PRKCQ: variants seen among roughly 807,000 people sequenced by gnomAD.
PRKCQ encodes the protein protein kinase C theta.
PRKCQ carries 41 observed loss-of-function variants against 91.2 expected under a neutral mutation model. That is an observed-to-expected ratio of 0.45 (90% CI 0.35 to 0.58). The LOEUF is 0.58. Among genes scored for constraint, PRKCQ ranks in the 20% least tolerant of loss-of-function variants. The pLI is 0.00. For missense variants in PRKCQ, 673 were observed against 896.5 expected, an observed-to-expected ratio of 0.75 and a Z score of 3.18; for synonymous variants, 307 against 316.9, an observed-to-expected ratio of 0.97 and a Z score of 0.33.
At chr10:6,504,104 CA>C (rs1255987874) in intron 4 of PRKCQ, among the ~76,000 whole-genome samples, 1 of 152,202 alleles carries the variant, frequency 6.6e-6, no homozygotes, top group African/African-American at 2.4e-5. Context: ...TAAAGCATTT[CA>C]ACTATGTACA....
In PRKCQ at chr10:6,479,015, T is replaced by C; in HGVS notation, c.1330A>G (p.Met444Val). Reference sequence around the variant, plus strand: ...ACCTTGGTCTGGAATGTACAAAACATGTGCGTCAGAAACGGATGCTCCCAG... The same window carrying C: ...ACCTTGGTCTGGAATGTACAAAACACGTGCGTCAGAAACGGATGCTCCCAG... ...LAWEHPFLTH[M>V]FCTFQTKENL... The change falls in exon 12 of 18, where the codon ATG (methionine) becomes GTG (valine). Residue 444 changes from methionine (M) to valine (V), a missense_variant. Transcript: ENST00000263125. 1.9e-6 allele frequency: 3 copies of C among 1,614,190 alleles called. No homozygotes were observed. The highest frequency in any genetic ancestry group is 2.5e-6 in the Non-Finnish European group (3 of 1,180,036).
Position 6,428,137 on chromosome 10 carries a change from C to G in PRKCQ, c.*70G>C, listed in dbSNP as rs144745761. On this transcript the variant is annotated 3_prime_UTR_variant, in exon 18 of 18. Transcript: ENST00000263125. Reference sequence around the variant, plus strand: ...TCTTTTTCCAAGTTGAAAAAGGAACCCAAGCAGTGTCTCTTGAACCAGTTC... The same window carrying G: ...TCTTTTTCCAAGTTGAAAAAGGAACGCAAGCAGTGTCTCTTGAACCAGTTC... The G allele has an allele frequency of 6.3e-7, 1 of 1,581,940 alleles. No individual in the cohort carries two copies. Among genetic ancestry groups the G allele is most frequent in the Non-Finnish European group, 8.6e-7 (1 of 1,156,472 alleles).
At chr10:6,524,195 C>T (rs984025822) in intron 1 of PRKCQ, among the ~76,000 whole-genome samples, 3 of 152,144 alleles carry the variant, frequency 2.0e-5, no homozygotes, top group African/African-American at 7.2e-5. Flanking sequence ...AGTTACTCAC[C>T]TAATAATATT....
chr10:6,433,744 A>G (rs539455823), intron 16 of PRKCQ, among the ~76,000 whole-genome samples: 1 of 152,258 alleles, frequency 6.6e-6, no homozygotes, highest in South Asian at 2.1e-4. Context: ...TTAGAAGCAA[A>G]GAGGGGCTGG....
chr10:6,441,853 A>C (rs1455939773), intron 16 of PRKCQ, 40 bp downstream of exon 16: 5 of 1,553,234 alleles, frequency 3.2e-6, no homozygotes, highest in Non-Finnish European at 3.5e-6. Flanking sequence ...AGAAGACCTA[A>C]TGCTCGTCTT....
At chr10:6,452,240 A>G (rs1834732066) in intron 15 of PRKCQ, among the ~76,000 whole-genome samples, 1 of 152,210 alleles carries the variant, frequency 6.6e-6, no homozygotes, top group Non-Finnish European at 1.5e-5. Context: ...TCAGCATACA[A>G]AATCAATGTA....
chr10:6,540,274 T>C (rs997402615), intron 1 of PRKCQ, among the ~76,000 whole-genome samples: 3 of 152,312 alleles, frequency 2.0e-5, no homozygotes, highest in Non-Finnish European at 1.5e-5. Context: ...TTTAATTGTA[T>C]AGTTCAGTGA....
At chr10:6,511,993 T>C (rs912711394) in intron 2 of PRKCQ, among the ~76,000 whole-genome samples, 2 of 152,118 alleles carry the variant, frequency 1.3e-5, no homozygotes, top group African/African-American at 4.8e-5. Context: ...TTTTATGCCT[T>C]TGAGATTCTC....
At chr10:6,507,188 A>G (rs1457774550) in intron 4 of PRKCQ, among the ~76,000 whole-genome samples, 2 of 152,200 alleles carry the variant, frequency 1.3e-5, no homozygotes, top group African/African-American at 4.8e-5. Flanking sequence ...AGAGTATAAG[A>G]GCTTTGGGCA....
At chr10:6,511,265 A>T in intron 2 of PRKCQ, 71 bp from the exon 3 acceptor site, 1 of 1,383,606 alleles carries the variant, frequency 7.2e-7, no homozygotes, top group Non-Finnish European at 1.0e-6. Flanking sequence ...TCAACTCAAC[A>T]GTAGCACCTG....
At chr10:6,522,147 G>A (rs927586819) in intron 1 of PRKCQ, among the ~76,000 whole-genome samples, 2 of 152,020 alleles carry the variant, frequency 1.3e-5, no homozygotes, top group Non-Finnish European at 2.9e-5. Context: ...TCACCATGCT[G>A]GCTAGGCTGG....
chr10:6,531,923 AGC>A (rs1269829288), intron 1 of PRKCQ, among the ~76,000 whole-genome samples: 2 of 152,156 alleles, frequency 1.3e-5, no homozygotes, highest in East Asian at 3.8e-4. Flanking sequence ...GAGTGATCAA[AGC>A]TATCTACCTA....
At chr10:6,486,178 G>A in intron 8 of PRKCQ, 34 bp from the exon 9 acceptor site, 1 of 1,555,250 alleles carries the variant, frequency 6.4e-7, no homozygotes, top group South Asian at 1.1e-5. Context: ...GAGCAAGAGT[G>A]GAAGAACCCC....
intron 1 of PRKCQ, among the ~76,000 whole-genome samples, chr10:6,548,872 T>G (rs1384967649): frequency 6.6e-6 from 1 of 152,088 alleles, no homozygotes; most frequent in African/African-American, 2.4e-5. Context: ...CCCTAAAACT[T>G]AAAGTATAAT....
At chr10:6,505,339 C>T (rs1838133932) in intron 4 of PRKCQ, among the ~76,000 whole-genome samples, 1 of 152,182 alleles carries the variant, frequency 6.6e-6, no homozygotes, top group African/African-American at 2.4e-5. Context: ...AATTGTTTTT[C>T]AAAGCAGGGA....
At chr10:6,487,091 G>C (rs1836970250) in intron 8 of PRKCQ, among the ~76,000 whole-genome samples, 1 of 152,146 alleles carries the variant, frequency 6.6e-6, no homozygotes, top group African/African-American at 2.4e-5. Flanking sequence ...CCGGGTGTTT[G>C]AGCACATTCC....
intron 12 of PRKCQ, among the ~76,000 whole-genome samples, chr10:6,466,983 G>A (rs1455315215): frequency 6.6e-6 from 1 of 152,096 alleles, no homozygotes; most frequent in Non-Finnish European, 1.5e-5. Context: ...TTTGTGAAAT[G>A]GGGTAGTAAT....
chr10:6,400,501 T>C, the PRKCQ span, among the ~76,000 whole-genome samples: 1 of 152,118 alleles, frequency 6.6e-6, no homozygotes, highest in African/African-American at 2.4e-5. Context: ...CAGTGTGCCC[T>C]GAACTATATT....
At chr10:6,396,462 C>T in the PRKCQ span, among the ~76,000 whole-genome samples, 3 of 152,240 alleles carry the variant, frequency 2.0e-5, no homozygotes, top group African/African-American at 2.4e-5. Context: ...AAGCCCTAGG[C>T]AAACACTAAT....
Sources: gnomAD v4.1 joint callset for allele counts (sites outside exome capture counted in the v4.1 genomes callset) on GRCh38, gnomAD v4.1.1 for gene constraint, MANE v1.5 for transcripts, NCBI Gene and HGNC (gene_info 2026-07-23, HGNC 2026-07-21) for gene names.